CSMD1: variants seen among roughly 807,000 people sequenced by gnomAD.
CSMD1 encodes CUB and sushi domain-containing protein 1.
CSMD1 carries 213 observed loss-of-function variants against 417.5 expected under a neutral mutation model. That is an observed-to-expected ratio of 0.51 (90% CI 0.46 to 0.57). CSMD1 has a LOEUF of 0.57. Ranked by LOEUF, CSMD1 falls within the 20% of genes least tolerant of loss-of-function variation. The probability of loss-of-function intolerance (pLI) is 0.00; values close to 1 mark genes in which losing one functional copy is unlikely to be tolerated. For missense variants in CSMD1, 6,923 were observed against 4,529.7 expected (o/e 1.53, Z -15.17); for synonymous variants, 2,862 against 1,736.8 (o/e 1.65, Z -16.11).
intron 5 of CSMD1, among the ~76,000 whole-genome samples, chr8:3,960,620 TG>T (rs1812259159): frequency 6.6e-6 from 1 of 152,048 alleles, no homozygotes; most frequent in African/African-American, 2.4e-5. Flanking sequence ...ATAACATTAA[TG>T]GAAATATTAA....
At chr8:3,619,632 T>C (rs1273546693) in intron 7 of CSMD1, among the ~76,000 whole-genome samples, 2 of 152,008 alleles carry the variant, frequency 1.3e-5, no homozygotes, top group Non-Finnish European at 2.9e-5. Context: ...CATCAAGAGA[T>C]CCACAGCAAG....
At chr8:3,221,821 G>C (rs1391205399) in intron 28 of CSMD1, among the ~76,000 whole-genome samples, 1 of 151,940 alleles carries the variant, frequency 6.6e-6, no homozygotes, top group Non-Finnish European at 1.5e-5. Context: ...CCACAGCCCT[G>C]AACGAGCCTG....
At chr8:4,895,010 A>T (rs1400902888) in intron 1 of CSMD1, among the ~76,000 whole-genome samples, 2 of 152,110 alleles carry the variant, frequency 1.3e-5, no homozygotes, top group Non-Finnish European at 2.9e-5. Flanking sequence ...AAGTAACTTC[A>T]CTTCTCTTGA....
At chr8:4,327,252 C>T (rs1342097187) in intron 3 of CSMD1, among the ~76,000 whole-genome samples, 3 of 152,158 alleles carry the variant, frequency 2.0e-5, no homozygotes, top group Admixed American at 6.6e-5. Flanking sequence ...TTAATACAAA[C>T]GTCCATTTTA....
Position 4,080,158 on chromosome 8 carries a change from G to A in CSMD1, c.416-48059C>T, listed in dbSNP as rs1800052795. On this transcript the variant is annotated intron_variant, in intron 3 of 69. Transcript: ENST00000635120. ...CACCTGCTCAGTTTGCAATTTACAAGCCATGCATTTCTATGAATCTTTACT... is the reference window on the plus strand; with the variant it reads ...CACCTGCTCAGTTTGCAATTTACAAACCATGCATTTCTATGAATCTTTACT... 2.6e-5 allele frequency among the ~76,000 whole-genome samples: 4 copies of A among 151,972 alleles called. No individual in the cohort carries two copies. In the South Asian group the frequency reaches 8.3e-4, roughly 32 times the overall value.
intron 2 of CSMD1, among the ~76,000 whole-genome samples, chr8:4,440,588 T>G (rs1297276083): frequency 6.6e-6 from 1 of 152,166 alleles, no homozygotes. Flanking sequence ...AAAACCAACT[T>G]TAGCATTTTC....
intron 6 of CSMD1, among the ~76,000 whole-genome samples, chr8:3,718,706 G>T (rs1007890869): frequency 1.3e-5 from 2 of 152,056 alleles, no homozygotes; most frequent in African/African-American, 4.8e-5. Context: ...TAATGTAAAG[G>T]GTAATTAGCA....
intron 10 of CSMD1, among the ~76,000 whole-genome samples, chr8:3,547,969 T>C (rs186679170): frequency 6.6e-6 from 1 of 152,198 alleles, no homozygotes; most frequent in Admixed American, 6.5e-5. Context: ...CTTCAACCTA[T>C]TTGGATATGG....
intron 1 of CSMD1, among the ~76,000 whole-genome samples, chr8:4,781,614 G>C (rs572387144): frequency 6.6e-6 from 1 of 152,262 alleles, no homozygotes; most frequent in East Asian, 1.9e-4. Flanking sequence ...GTCTATTGTT[G>C]TACTTTCTGA....
chr8:4,408,178 G>A (rs1047620545), intron 3 of CSMD1, among the ~76,000 whole-genome samples: 4 of 152,200 alleles, frequency 2.6e-5, no homozygotes, highest in African/African-American at 7.2e-5. Flanking sequence ...TTAGTCAGAT[G>A]TATACAAATC....
At chr8:4,221,383 A>G (rs902380040) in intron 3 of CSMD1, among the ~76,000 whole-genome samples, 1 of 152,066 alleles carries the variant, frequency 6.6e-6, no homozygotes, top group Admixed American at 6.5e-5. Context: ...AGTGAGAAAA[A>G]AAAAAAAAAA....
intron 2 of CSMD1, among the ~76,000 whole-genome samples, chr8:4,424,096 G>GA (rs542455981): frequency 5.4e-4 from 82 of 151,900 alleles, no homozygotes; most frequent in Admixed American, 2.0e-3. Flanking sequence ...AGACTCTTAG[G>GA]AAAAAAATAG....
chr8:3,144,796 G>GC (rs1554440506), intron 40 of CSMD1, among the ~76,000 whole-genome samples: 5 of 120,962 alleles, frequency 4.1e-5, no homozygotes, highest in Non-Finnish European at 8.5e-5. Context: ...AGGCAACAAG[G>GC]GGGGGGGGGA....
At chr8:3,034,698 T>C (rs1423991067) in intron 50 of CSMD1, among the ~76,000 whole-genome samples, 1 of 152,190 alleles carries the variant, frequency 6.6e-6, no homozygotes, top group African/African-American at 2.4e-5. Flanking sequence ...GTTCTTACTT[T>C]GTTATTTCTT....
intron 3 of CSMD1, among the ~76,000 whole-genome samples, chr8:4,197,542 C>G (rs976600821): frequency 6.6e-6 from 1 of 152,164 alleles, no homozygotes; most frequent in East Asian, 1.9e-4. Context: ...GGTCTTCCAA[C>G]TAAAACACTG....
chr8:3,628,473 A>G (rs1386798477), intron 7 of CSMD1, among the ~76,000 whole-genome samples: 1 of 152,224 alleles, frequency 6.6e-6, no homozygotes, highest in Non-Finnish European at 1.5e-5. Flanking sequence ...AAAAATCCTT[A>G]AGGATTACTT....
intron 3 of CSMD1, among the ~76,000 whole-genome samples, chr8:4,345,915 C>A (rs1481453286): frequency 1.3e-5 from 2 of 152,062 alleles, no homozygotes; most frequent in East Asian, 3.9e-4. Flanking sequence ...CAAGACGTAA[C>A]AAGGGAGGGG....
At position 3,146,268 on chromosome 8, in the gene CSMD1, G is replaced by A. The variant is rs576715046; in HGVS notation, c.6032-3594C>T. Among the ~76,000 whole-genome samples the A allele has an allele frequency of 3.9e-5, 6 of 152,010 alleles. No homozygotes were observed. The South Asian group carries it at 1.0e-3, about 26-fold the overall frequency. ...CCTTAGACACTCTCAAGAAAACGGA[G>A]ACCGAAATCCTGAGTTGGTTGAGCT... On this transcript the variant is annotated intron_variant, in intron 40 of 69. Coordinates refer to ENST00000635120, the MANE Select transcript of CSMD1 (RefSeq NM_033225.6).
At position 2,973,730 on chromosome 8, in the gene CSMD1, G is replaced by A. The variant is rs150916249; in HGVS notation, c.8741-431C>T. Among the ~76,000 whole-genome samples, 13 of 151,958 alleles carry A rather than the reference G, an allele frequency of 8.6e-5. No individual in the cohort carries two copies. The East Asian group carries it at 1.4e-3, about 16-fold the overall frequency. On this transcript the variant is annotated intron_variant, in intron 56 of 69. Transcript: ENST00000635120. ...GAATTGTGTCCAGAGTTGCTGGTTC[G>A]CTGAATTTTGGTTGTTTAAGAAACA...
Sources: allele counts gnomAD v4.1 joint callset (sites outside exome capture counted in the v4.1 genomes callset), GRCh38; gene constraint gnomAD v4.1.1; transcripts MANE v1.5; gene names NCBI Gene and HGNC (gene_info 2026-07-23, HGNC 2026-07-21).